Variants in OR2L13 observed in about 807,000 individuals in gnomAD.
The protein encoded by OR2L13 is olfactory receptor family 2 subfamily L member 13.
A neutral mutation model predicts 15.3 loss-of-function variants in OR2L13; 14 were observed. That is an observed-to-expected ratio of 0.91 (90% CI 0.60 to 1.43). OR2L13 has a LOEUF of 1.43. OR2L13 is among the 40% of genes most tolerant of loss of function. The probability of loss-of-function intolerance (pLI) is 0.00; values close to 1 mark genes in which losing one functional copy is unlikely to be tolerated. For synonymous variants in OR2L13, 152 were observed against 142.9 expected, an observed-to-expected ratio of 1.06 and a Z score of -0.45; for missense variants, 367 against 387.9, an observed-to-expected ratio of 0.95 and a Z score of 0.45.
At chr1:248,090,898 C>T (rs1429981722), upstream of OR2L13, among the ~76,000 whole-genome samples, 2 of 152,174 alleles carry the variant, frequency 1.3e-5, no homozygotes, top group Non-Finnish European at 2.9e-5. Context: ...TTTACATTTG[C>T]ACCAGTAGTG....
the OR2L13 span, chr1:248,061,396 A>T: frequency 2.5e-6 from 4 of 1,614,002 alleles, no homozygotes; most frequent in African/African-American, 1.3e-5. Flanking sequence ...AGCCTACCTG[A>T]CCTGCAGCAC....
the OR2L13 span, among the ~76,000 whole-genome samples, chr1:248,085,418 T>TAATAAAATAAAATAA: frequency 1.4e-4 from 4 of 27,630 alleles, no homozygotes; most frequent in African/African-American, 2.3e-4. Flanking sequence ...TAAAATAAAA[T>TAATAAAATAAAATAA]AATAAAATAA....
At chr1:247,965,488 G>T in the OR2L13 span, 1 of 1,613,528 alleles carries the variant, frequency 6.2e-7, no homozygotes, top group Non-Finnish European at 8.5e-7. Flanking sequence ...CTTTACAGTT[G>T]CTCTGACAGG....
the OR2L13 span, among the ~76,000 whole-genome samples, chr1:247,971,657 C>T: frequency 2.6e-4 from 40 of 152,204 alleles, no homozygotes; most frequent in African/African-American, 7.7e-4. Context: ...TAAACTTCCA[C>T]GCTATAATAG....
chr1:248,071,629 C>A, the OR2L13 span, among the ~76,000 whole-genome samples: 8 of 151,884 alleles, frequency 5.3e-5, no homozygotes, highest in Non-Finnish European at 7.4e-5. Context: ...CTGGCCAGGG[C>A]AATTAGGCAG....
chr1:247,954,454 T>A, the OR2L13 span, among the ~76,000 whole-genome samples: 1 of 152,156 alleles, frequency 6.6e-6, no homozygotes, highest in East Asian at 1.9e-4. Flanking sequence ...ATAAGATCCT[T>A]TTAATTTTGT....
chr1:248,087,835 A>G, the OR2L13 span, among the ~76,000 whole-genome samples: 1 of 152,236 alleles, frequency 6.6e-6, no homozygotes, highest in Admixed American at 6.5e-5. Flanking sequence ...TTGTAAGGAT[A>G]GCAAGCACAA....
the OR2L13 span, chr1:248,084,717 A>T: frequency 7.0e-7 from 1 of 1,423,072 alleles, no homozygotes; most frequent in Non-Finnish European, 9.5e-7. Context: ...TCATGGTTTG[A>T]ATATTTTAGA....
At chr1:248,000,746 T>G in the OR2L13 span, among the ~76,000 whole-genome samples, 26 of 152,012 alleles carry the variant, frequency 1.7e-4, no homozygotes, top group Non-Finnish European at 3.8e-4. Flanking sequence ...TGAGAAACCG[T>G]TTTTCTGTGA....
At chr1:247,945,912 C>T in the OR2L13 span, among the ~76,000 whole-genome samples, 1 of 152,068 alleles carries the variant, frequency 6.6e-6, no homozygotes, top group Non-Finnish European at 1.5e-5. Context: ...ATGTGTCTCT[C>T]GAATACAGCA....
At chr1:248,091,589 T>G (rs945242496), upstream of OR2L13, among the ~76,000 whole-genome samples, 2 of 152,068 alleles carry the variant, frequency 1.3e-5, no homozygotes, top group African/African-American at 4.8e-5. Context: ...ATCAGATGGC[T>G]CTCGGTGTAC....
At chr1:248,086,347 G>A in the OR2L13 span, among the ~76,000 whole-genome samples, 2 of 152,134 alleles carry the variant, frequency 1.3e-5, no homozygotes, top group Non-Finnish European at 2.9e-5. Flanking sequence ...GAGGCAAAGA[G>A]TAAATATCGC....
chr1:247,957,658 G>A, the OR2L13 span, among the ~76,000 whole-genome samples: 1 of 152,064 alleles, frequency 6.6e-6, no homozygotes, highest in Non-Finnish European at 1.5e-5. Context: ...ATTTCTTCCT[G>A]GTTTAGCCTT....
At chr1:248,038,464 C>T in the OR2L13 span, 4 of 1,613,778 alleles carry the variant, frequency 2.5e-6, no homozygotes, top group Admixed American at 1.7e-5. Context: ...AGTCAGCTCT[C>T]CCTCATTGAC....
At chr1:248,075,965 G>T in the OR2L13 span, among the ~76,000 whole-genome samples, 1 of 152,020 alleles carries the variant, frequency 6.6e-6, no homozygotes, top group Non-Finnish European at 1.5e-5. Flanking sequence ...TTTCTTCTAG[G>T]GTTTTTATGG....
At chr1:248,012,250 G>A in the OR2L13 span, among the ~76,000 whole-genome samples, 4 of 152,112 alleles carry the variant, frequency 2.6e-5, no homozygotes, top group African/African-American at 4.8e-5. Context: ...GGAGATGTAA[G>A]GGACTGCCAC....
chr1:248,045,694 T>C, the OR2L13 span: 2 of 152,224 alleles, frequency 1.3e-5, no homozygotes, highest in African/African-American at 4.8e-5. Context: ...ATCTGCACAC[T>C]TTGACTTTCA....
At chr1:248,000,220 T>C in the OR2L13 span, among the ~76,000 whole-genome samples, 1 of 151,788 alleles carries the variant, frequency 6.6e-6, no homozygotes, top group Non-Finnish European at 1.5e-5. Flanking sequence ...TGAATAATGG[T>C]TTTTCTGTTT....
the OR2L13 span, among the ~76,000 whole-genome samples, chr1:248,015,993 AG>A: frequency 6.6e-6 from 1 of 152,296 alleles, no homozygotes; most frequent in African/African-American, 2.4e-5. Context: ...CTCTATCACT[AG>A]GTCTCTGTAC....
Sources: gnomAD v4.1 joint callset for allele counts (sites outside exome capture counted in the v4.1 genomes callset) on GRCh38, gnomAD v4.1.1 for gene constraint, MANE v1.5 for transcripts, NCBI Gene and HGNC (gene_info 2026-07-23, HGNC 2026-07-21) for gene names.